Variants in TGM4 observed in about 807,000 individuals in gnomAD.
TGM4 encodes protein-glutamine gamma-glutamyltransferase 4.
TGM4 carries 61 observed loss-of-function variants against 76.3 expected under a neutral mutation model. The ratio of observed to expected loss-of-function variants is 0.80; its 90% CI spans 0.65 to 0.99. The LOEUF is 0.99. Ranked by LOEUF, TGM4 falls within the 50% of genes least tolerant of loss-of-function variation. The probability of loss-of-function intolerance (pLI) is 0.00; values close to 1 mark genes in which losing one functional copy is unlikely to be tolerated. For missense variants in TGM4, 794 were observed against 843.2 expected (o/e 0.94, Z 0.72); for synonymous variants, 337 against 329.8 (o/e 1.02, Z -0.24).
intron 4 of TGM4, among the ~76,000 whole-genome samples, chr3:44,892,445 G>A (rs1400696122): frequency 3.4e-5 from 5 of 145,892 alleles, no homozygotes; most frequent in Non-Finnish European, 7.5e-5. Context: ...ATCTTGGCTC[G>A]CTGCAGCCTC....
intron 3 of TGM4, among the ~76,000 whole-genome samples, chr3:44,889,607 A>G (rs80130714): frequency 0.02 from 3,113 of 152,290 alleles, 54 homozygotes; most frequent in Middle Eastern, 0.065. Context: ...TTGGACCACA[A>G]ATGGAAGTGT....
intron 5 of TGM4, among the ~76,000 whole-genome samples, chr3:44,893,905 T>C (rs1419461090): frequency 3.6e-5 from 5 of 137,490 alleles, no homozygotes; most frequent in South Asian, 2.5e-4. Flanking sequence ...TCCACAAAGG[T>C]CACCCATGGC....
chr3:44,901,309 G>A (rs1179189978), intron 6 of TGM4, among the ~76,000 whole-genome samples: 1 of 152,186 alleles, frequency 6.6e-6, no homozygotes, highest in Non-Finnish European at 1.5e-5. Context: ...AGGAAACTGA[G>A]GCATACAGCA....
At chr3:44,884,182 G>T (rs925006096) in intron 1 of TGM4, among the ~76,000 whole-genome samples, 7 of 152,134 alleles carry the variant, frequency 4.6e-5, no homozygotes, top group Non-Finnish European at 1.0e-4. Context: ...AAACATAGAG[G>T]CTCAGCCCCA....
intron 2 of TGM4, 48 bp downstream of exon 2, chr3:44,885,546 G>A (rs1162944616): frequency 1.3e-6 from 2 of 1,577,942 alleles, no homozygotes; most frequent in South Asian, 2.3e-5. Flanking sequence ...GGGATCACAA[G>A]TGTCTGTGGA....
intron 4 of TGM4, 69 bp from the exon 5 acceptor site, chr3:44,893,508 C>A (rs1382678369): frequency 1.2e-5 from 16 of 1,327,688 alleles, no homozygotes; most frequent in Non-Finnish European, 1.6e-5. Flanking sequence ...CACAGACAGT[C>A]CCCATTGGCA....
At chr3:44,882,763 G>C (rs1046909253) in intron 1 of TGM4, among the ~76,000 whole-genome samples, 5 of 152,190 alleles carry the variant, frequency 3.3e-5, no homozygotes, top group Admixed American at 2.0e-4. Flanking sequence ...ACATTCATAG[G>C]CTCCAGGTGG....
intron 5 of TGM4, among the ~76,000 whole-genome samples, chr3:44,894,495 T>C (rs189838948): frequency 2.1e-5 from 2 of 96,102 alleles, no homozygotes; most frequent in Admixed American, 2.2e-4. Flanking sequence ...AATTAGAATG[T>C]TGGCCTTGAC....
intron 6 of TGM4, among the ~76,000 whole-genome samples, chr3:44,897,204 C>T (rs1699791935): frequency 6.6e-6 from 1 of 152,096 alleles, no homozygotes. Flanking sequence ...CGGGGTTTCA[C>T]CATCTTGGCC....
chr3:44,896,854 T>C, intron 6 of TGM4, 38 bp downstream of exon 6: 1 of 1,559,024 alleles, frequency 6.4e-7, no homozygotes. Context: ...TGTCTTGTAC[T>C]TGCCAATTGC....
At position 44,890,797 on chromosome 3, in the gene TGM4, T is replaced by C. The variant is rs150268194; in HGVS notation, c.430+65T>C. ...CCCCGGCAAAACCTGCTATGTGCAA[T>C]GCATAGTCTATGAGCTTTTGTTTGC... On this transcript the variant is annotated intron_variant, in intron 4 of 13. Coordinates refer to ENST00000296125, the MANE Select transcript of TGM4 (RefSeq NM_003241.4). The C allele has an allele frequency of 8.8e-4, 1,393 of 1,585,138 alleles. 7 individuals carry two copies. The highest frequency in any genetic ancestry group is 8.3e-3 in the East Asian group (368 of 44,546).
intron 10 of TGM4, among the ~76,000 whole-genome samples, chr3:44,908,065 T>G (rs1464907188): frequency 6.6e-6 from 1 of 152,220 alleles, no homozygotes; most frequent in Non-Finnish European, 1.5e-5. Context: ...TGCAGTATAG[T>G]TACAAGCAGG....
At chr3:44,887,990 C>T in intron 3 of TGM4, 195 bp downstream of exon 3, 1 of 595,162 alleles carries the variant, frequency 1.7e-6, no homozygotes, top group Non-Finnish European at 3.0e-6. Flanking sequence ...CACAGTATCG[C>T]TGTGGCCAAA....
chr3:44,892,965 T>C (rs1314920171), intron 4 of TGM4, among the ~76,000 whole-genome samples: 1 of 152,256 alleles, frequency 6.6e-6, no homozygotes, highest in Non-Finnish European at 1.5e-5. Flanking sequence ...CTGGAGGCAC[T>C]GCCTGCCCCT....
chr3:44,891,101 A>T (rs1182226662), intron 4 of TGM4, among the ~76,000 whole-genome samples: 2 of 152,058 alleles, frequency 1.3e-5, no homozygotes, highest in African/African-American at 2.4e-5. Flanking sequence ...CTGCTCCCTT[A>T]GTTCTGTTCT....
chr3:44,876,910 A>G (rs182627120), intron 1 of TGM4, among the ~76,000 whole-genome samples: 3 of 152,372 alleles, frequency 2.0e-5, no homozygotes, highest in Non-Finnish European at 2.9e-5. Context: ...ATATACATGG[A>G]CAAAGAGCAG....
rs1417410005 is a variant in TGM4, at chr3:44,899,185, T to C, written c.658-2339T>C. On this transcript the variant is annotated intron_variant, in intron 6 of 13. Coordinates refer to ENST00000296125, the MANE Select transcript of TGM4 (RefSeq NM_003241.4). ...GTAGCCTATTCCCAGGTCATTCTTA[T>C]GCGTGGTGGGGTTTGGGAAGCAATG... is the stretch of plus-strand genomic sequence containing the variant. 2.6e-5 allele frequency: 4 copies of C among 152,214 alleles called. 1 individual carries two copies. In the South Asian group the frequency reaches 6.2e-4, roughly 24 times the overall value. 9.4% of individuals were successfully genotyped at this position (152,214 alleles called of 1,614,324 possible).
intron 3 of TGM4, chr3:44,889,206 T>TAAAAAAAAAAAAAAAA (rs1699654996): frequency 9.1e-6 from 1 of 109,434 alleles, no homozygotes; most frequent in African/African-American, 3.5e-5. Flanking sequence ...AAAAAAAAAT[T>TAAAAAAAAAAAAAAAA]AGCCAGGAGT....
chr3:44,896,093 C>T (rs1351602863), intron 5 of TGM4, among the ~76,000 whole-genome samples: 1 of 151,816 alleles, frequency 6.6e-6, no homozygotes, highest in Admixed American at 6.6e-5. Context: ...TTCATTTATT[C>T]ATTTATTTAT....
Sources: gnomAD v4.1 joint callset for allele counts (sites outside exome capture counted in the v4.1 genomes callset) on GRCh38, gnomAD v4.1.1 for gene constraint, MANE v1.5 for transcripts, NCBI Gene and HGNC (gene_info 2026-07-23, HGNC 2026-07-21) for gene names.